Variants in CHL1 observed in about 807,000 individuals in gnomAD.
CHL1 encodes cell adhesion molecule L1 like.
Under a neutral mutation model 141.9 loss-of-function variants are expected in CHL1, and 96 were observed. That is an observed-to-expected ratio of 0.68 (90% CI 0.57 to 0.80). CHL1 has a LOEUF of 0.80. CHL1 is among the 30% of genes least tolerant of loss of function. The pLI is 0.00. For synonymous variants in CHL1, 613 were observed against 502.2 expected (o/e 1.22, Z -2.95); for missense variants, 1,820 against 1,457.2 (o/e 1.25, Z -4.05).
chr3:221,804 C>A (rs1336711261), intron 1 of CHL1, among the ~76,000 whole-genome samples: 1 of 152,144 alleles, frequency 6.6e-6, no homozygotes, highest in Non-Finnish European at 1.5e-5. Context: ...GATGCTACAC[C>A]TAAACTTATC....
At chr3:402,768 A>G (rs949103887) in intron 27 of CHL1, among the ~76,000 whole-genome samples, 1 of 152,164 alleles carries the variant, frequency 6.6e-6, no homozygotes, top group Non-Finnish European at 1.5e-5. Flanking sequence ...ATGACTTTAA[A>G]TTCTTTCCAG....
At chr3:340,312 T>C (rs1006852713) in intron 5 of CHL1, among the ~76,000 whole-genome samples, 1 of 152,160 alleles carries the variant, frequency 6.6e-6, no homozygotes, top group Non-Finnish European at 1.5e-5. Flanking sequence ...ATTTTCTCCA[T>C]ATGGGCTGGG....
At chr3:299,395 G>A (rs148193941) in intron 2 of CHL1, among the ~76,000 whole-genome samples, 3 of 152,128 alleles carry the variant, frequency 2.0e-5, no homozygotes, top group African/African-American at 7.2e-5. Context: ...GGACATGGGG[G>A]TGCTGCAGAT....
intron 3 of CHL1, among the ~76,000 whole-genome samples, chr3:324,076 A>G (rs1271108617): frequency 6.6e-6 from 1 of 152,140 alleles, no homozygotes; most frequent in Non-Finnish European, 1.5e-5. Context: ...GCTATACCCC[A>G]CATGAACAAA....
At chr3:349,136 G>C (rs1220744013) in intron 9 of CHL1, among the ~76,000 whole-genome samples, 1 of 152,180 alleles carries the variant, frequency 6.6e-6, no homozygotes, top group Non-Finnish European at 1.5e-5. Flanking sequence ...CTTCCAAGGA[G>C]ACAGACCACT....
At chr3:302,210 A>G (rs1189992374) in intron 2 of CHL1, among the ~76,000 whole-genome samples, 1 of 152,294 alleles carries the variant, frequency 6.6e-6, no homozygotes, top group South Asian at 2.1e-4. Context: ...ATAAACATAC[A>G]TGTGCATGTG....
chr3:312,687 G>A (rs954397059), intron 2 of CHL1, among the ~76,000 whole-genome samples: 2 of 152,150 alleles, frequency 1.3e-5, no homozygotes, highest in African/African-American at 2.4e-5. Context: ...TCAGAGAGAA[G>A]TGAAGGTGAC....
At position 290,036 on chromosome 3, in the gene CHL1, C is replaced by G. The variant is rs553337894; in HGVS notation, c.-94-29647C>G. On this transcript the variant is annotated intron_variant, in intron 2 of 27. Coordinates refer to ENST00000256509, the MANE Select transcript of CHL1 (RefSeq NM_006614.4). ...TAGCCAATAGCACCGTAACTCACCC[C>G]TCATTGAAGCTTGTTCAACACAGTT... Among the ~76,000 whole-genome samples the G allele has an allele frequency of 1.3e-4, 20 of 151,402 alleles. No homozygotes were observed. In the South Asian group the frequency reaches 4.2e-3, roughly 32 times the overall value.
At chr3:249,111 A>C (rs188679800) in intron 2 of CHL1, among the ~76,000 whole-genome samples, 2 of 152,334 alleles carry the variant, frequency 1.3e-5, no homozygotes, top group African/African-American at 2.4e-5. Context: ...ATTGGACTGC[A>C]CACGCGTGCA....
At chr3:198,077 A>C in intron 1 of CHL1, 1 of 292,256 alleles carries the variant, frequency 3.4e-6, no homozygotes, top group Non-Finnish European at 6.9e-6. Flanking sequence ...GAGGAGCAGC[A>C]GCCGCGCGGG....
At chr3:299,713 C>T (rs757705712) in intron 2 of CHL1, among the ~76,000 whole-genome samples, 5 of 152,114 alleles carry the variant, frequency 3.3e-5, no homozygotes, top group Non-Finnish European at 5.9e-5. Flanking sequence ...TGTGTGAGCT[C>T]CCCTAGGCTT....
At position 405,812 on chromosome 3, in the gene CHL1, C is replaced by T. The variant is rs568343497; in HGVS notation, c.*101C>T. 879 of 783,886 alleles carry T rather than the reference C, an allele frequency of 1.1e-3. No individual in the cohort carries two copies. Among genetic ancestry groups the T allele is most frequent in the Non-Finnish European group, 1.7e-3 (826 of 482,476 alleles). 48.6% of individuals were successfully genotyped at this position (783,886 alleles called of 1,614,324 possible). On this transcript the variant is annotated 3_prime_UTR_variant, in exon 28 of 28. Coordinates refer to ENST00000256509, the MANE Select transcript of CHL1 (RefSeq NM_006614.4). The stretch of plus-strand genomic sequence containing the variant: ...CATATAGGAATAGAAACATGCTGGC[C>T]GAAGATTTCATCCAGAAGTCAACAT...
At chr3:250,942 C>T (rs917922435) in intron 2 of CHL1, among the ~76,000 whole-genome samples, 2 of 151,980 alleles carry the variant, frequency 1.3e-5, no homozygotes, top group Non-Finnish European at 2.9e-5. Context: ...TGTTAAGAGC[C>T]ACAGGGTTGA....
At position 405,675 on chromosome 3, in the gene CHL1, T is replaced by C. The variant is rs758689745; in HGVS notation, c.3639T>C (p.Asn1213=). Residue 1213 remains asparagine, a synonymous_variant, in exon 28 of 28, where the codon AAT becomes AAC. Transcript: ENST00000256509. ...GSKEKGSVES[N]GSSTATFPLR... ...AGGAGAAGGGATCTGTTGAAAGCAA[T>C]GGAAGTTCTACAGCAACTTTTCCCC... is the stretch of plus-strand genomic sequence containing the variant. 3.1e-6 allele frequency: 5 copies of C among 1,613,386 alleles called. No homozygotes were observed. Among genetic ancestry groups the C allele is most frequent in the Admixed American group, 1.7e-5 (1 of 59,962 alleles).
rs139874910 is a variant in CHL1, at chr3:284,058, G to C, written c.-94-35625G>C. 2.9e-3 allele frequency among the ~76,000 whole-genome samples: 439 copies of C among 152,264 alleles called. 1 individual carries two copies. Among genetic ancestry groups the C allele is most frequent in the Admixed American group, 5.2e-3 (80 of 15,302 alleles). On this transcript the variant is annotated intron_variant, in intron 2 of 27. Transcript: ENST00000256509. ...TTACTATGTACCAATTATCCACTAA[G>C]TACTTTGCCAGGTAGAGGGGATACA...
intron 24 of CHL1, among the ~76,000 whole-genome samples, chr3:396,401 T>C (rs535535661): frequency 1.3e-5 from 2 of 152,308 alleles, no homozygotes; most frequent in South Asian, 4.1e-4. Context: ...AAGACCATAA[T>C]GTGCATGTGA....
intron 1 of CHL1, among the ~76,000 whole-genome samples, chr3:242,324 C>CAT (rs1692663338): frequency 1.5e-5 from 2 of 137,032 alleles, no homozygotes; most frequent in Non-Finnish European, 3.3e-5. Context: ...TGGCTGAGCG[C>CAT]GGTGGCTCAC....
intron 2 of CHL1, among the ~76,000 whole-genome samples, chr3:254,744 C>T (rs1008192871): frequency 6.6e-6 from 1 of 152,116 alleles, no homozygotes; most frequent in African/African-American, 2.4e-5. Flanking sequence ...AGCCATGCCT[C>T]ACATATTGGA....
In CHL1 at chr3:299,790, A is replaced by T. The variant is rs117446576; in HGVS notation, c.-94-19893A>T. 1.4e-3 allele frequency among the ~76,000 whole-genome samples: 208 copies of T among 152,294 alleles called. 1 individual carries two copies. The South Asian group carries it at 0.018, about 13-fold the overall frequency. ...AACAACACTAGGAGGACAATTAGTCATCATTCAGAGTGTATATCAGTGTGC... is the reference window on the plus strand; with the variant it reads ...AACAACACTAGGAGGACAATTAGTCTTCATTCAGAGTGTATATCAGTGTGC... On this transcript the variant is annotated intron_variant, in intron 2 of 27. Coordinates refer to ENST00000256509, the MANE Select transcript of CHL1 (RefSeq NM_006614.4).
Sources: allele counts gnomAD v4.1 joint callset (sites outside exome capture counted in the v4.1 genomes callset), GRCh38; gene constraint gnomAD v4.1.1; transcripts MANE v1.5; gene names NCBI Gene and HGNC (gene_info 2026-07-23, HGNC 2026-07-21).